Variants in SPHKAP observed in about 807,000 individuals in gnomAD.
The protein encoded by SPHKAP is SPHK1 interactor, AKAP domain containing.
In SPHKAP, 67 loss-of-function variants were observed where a neutral mutation model predicts 137.5. That is an observed-to-expected ratio of 0.49 (90% CI 0.40 to 0.60). The LOEUF (loss-of-function observed/expected upper bound fraction) is 0.60. SPHKAP is among the 20% of genes least tolerant of loss of function. The pLI is 0.00. For missense variants in SPHKAP, 2,097 were observed against 2,069.3 expected (o/e 1.01, Z -0.26); for synonymous variants, 813 against 785.3 (o/e 1.04, Z -0.59).
intron 7 of SPHKAP, among the ~76,000 whole-genome samples, chr2:227,999,273 T>C (rs951711323): frequency 6.6e-6 from 1 of 152,170 alleles, no homozygotes; most frequent in East Asian, 1.9e-4. Context: ...TGAAAGAAGG[T>C]CCTTGCTTGG....
Position 228,018,052 on chromosome 2 carries a change from T to G in SPHKAP, c.2802A>C (p.Ala934=). ...YCITDFAEEL[A]DTVVSMATEI... ...CAGTTGCCATGGAGACGACCGTGTCTGCTAATTCTTCCGCAAAGTCTGTAA... is the reference window on the plus strand; with the variant it reads ...CAGTTGCCATGGAGACGACCGTGTCGGCTAATTCTTCCGCAAAGTCTGTAA... Residue 934 remains alanine, a synonymous_variant, in exon 7 of 12, where the codon GCA becomes GCC. Transcript: ENST00000392056. 6.2e-7 allele frequency: 1 copy of G among 1,614,192 alleles called. No homozygotes were observed. Among genetic ancestry groups the G allele is most frequent in the South Asian group, 1.1e-5 (1 of 91,078 alleles).
At chr2:228,134,883 G>A (rs191633634) in intron 1 of SPHKAP, among the ~76,000 whole-genome samples, 162 of 152,228 alleles carry the variant, frequency 1.1e-3, no homozygotes, top group African/African-American at 3.6e-3. Flanking sequence ...ATGACTTTTC[G>A]CAGGGCTGGA....
rs75064884 is a variant in SPHKAP, at chr2:228,025,351, C to G, written c.441+43G>C. ...TTTACACTGATCTGTGCTGAGCTAA[C>G]TATAGATGTAAGTAAATGGCTTATC... On this transcript the variant is annotated intron_variant, in intron 5 of 11. Transcript: ENST00000392056. The G allele has an allele frequency of 5.6e-3, 9,058 of 1,609,454 alleles. 33 individuals are homozygous for G. Among genetic ancestry groups the G allele is most frequent in the Non-Finnish European group, 7.4e-3 (8,675 of 1,177,500 alleles).
chr2:228,009,211 A>G (rs1694266056), intron 7 of SPHKAP, among the ~76,000 whole-genome samples: 1 of 152,038 alleles, frequency 6.6e-6, no homozygotes, highest in Non-Finnish European at 1.5e-5. Context: ...TTTATCTTAC[A>G]TTGTTTCTGA....
chr2:228,108,886 C>T lies in SPHKAP; in HGVS notation c.192G>A (p.Gln64=), dbSNP rs779652002. 9 of 1,610,358 alleles carry T rather than the reference C, an allele frequency of 5.6e-6. No individual in the cohort carries two copies. The highest frequency in any genetic ancestry group is 7.6e-6 in the Non-Finnish European group (9 of 1,179,234). ...CAAAACCAATTTGGCAGGGCATCCT[C>T]TGATTCTGCAACCAGTAGTCTGTTG... The part of the protein sequence containing the change: ...LESTDYWLQN[Q]RMPCQIGFVE... The change falls in exon 3 of 12, where the codon CAG becomes CAA. Residue 64 remains glutamine (Q), a synonymous_variant. Coordinates refer to ENST00000392056, the MANE Select transcript of SPHKAP (RefSeq NM_001142644.2).
chr2:228,037,660 G>A (rs886901833), intron 3 of SPHKAP, among the ~76,000 whole-genome samples: 3 of 152,114 alleles, frequency 2.0e-5, no homozygotes, highest in African/African-American at 4.8e-5. Context: ...TCACTCCAAT[G>A]ACTCTCAGTT....
chr2:228,061,085 T>G (rs1484968584), intron 3 of SPHKAP, among the ~76,000 whole-genome samples: 2 of 152,142 alleles, frequency 1.3e-5, no homozygotes, highest in African/African-American at 4.8e-5. Context: ...ATGTAATATG[T>G]GTGGGTTTTC....
At chr2:228,046,356 C>G (rs1388874422) in intron 3 of SPHKAP, among the ~76,000 whole-genome samples, 1 of 67,894 alleles carries the variant, frequency 1.5e-5, no homozygotes, top group African/African-American at 6.0e-5. Flanking sequence ...TTTCTGTGTT[C>G]TTCATCTAAT....
chr2:228,009,983 G>A (rs553335623), intron 7 of SPHKAP, among the ~76,000 whole-genome samples: 1 of 152,228 alleles, frequency 6.6e-6, no homozygotes, highest in South Asian at 2.1e-4. Context: ...TCCAGCAACA[G>A]GTCAAGAGGC....
intron 3 of SPHKAP, among the ~76,000 whole-genome samples, chr2:228,049,679 G>C (rs1696184343): frequency 1.3e-5 from 2 of 152,060 alleles, no homozygotes; most frequent in Admixed American, 1.3e-4. Flanking sequence ...GCAGTCCCCA[G>C]ATCTTCCCAT....
At chr2:227,985,263 A>G (rs528153850) in intron 11 of SPHKAP, among the ~76,000 whole-genome samples, 1 of 152,152 alleles carries the variant, frequency 6.6e-6, no homozygotes, top group East Asian at 1.9e-4. Context: ...CACTAAATAG[A>G]GCATGCTCTG....
At position 228,018,504 on chromosome 2, in the gene SPHKAP, T is replaced by C. The variant is rs1694700732; in HGVS notation, c.2350A>G (p.Ile784Val). The C allele has an allele frequency of 6.2e-7, 1 of 1,614,186 alleles. No homozygotes were observed. The highest frequency in any genetic ancestry group is 8.5e-7 in the Non-Finnish European group (1 of 1,180,028). Reference protein sequence around the residue: ...LSNSHNTSLVINNLVDGMYSK... With the variant: ...LSNSHNTSLVVNNLVDGMYSK... ...TACATGCCATCCACAAGATTGTTGA[T>C]GACAAGACTCGTGTTGTGTGAATTG... Residue 784 changes from isoleucine (I) to valine (V), a missense_variant, in exon 7 of 12, where the codon ATC (isoleucine) becomes GTC (valine). Transcript: ENST00000392056.
At chr2:228,086,089 A>C (rs1374545480) in intron 3 of SPHKAP, among the ~76,000 whole-genome samples, 1 of 152,164 alleles carries the variant, frequency 6.6e-6, no homozygotes, top group Non-Finnish European at 1.5e-5. Context: ...GGAAATGGAG[A>C]AAGTAGTGAG....
At chr2:228,114,254 A>G (rs191147613) in intron 2 of SPHKAP, among the ~76,000 whole-genome samples, 1 of 152,164 alleles carries the variant, frequency 6.6e-6, no homozygotes, top group African/African-American at 2.4e-5. Context: ...TAAGGTTAGG[A>G]AGATCCTTTT....
rs115667441 is a variant in SPHKAP, at chr2:228,028,730, T to C, written c.247-1187A>G. 4.5e-3 allele frequency among the ~76,000 whole-genome samples: 683 copies of C among 152,314 alleles called. 3 individuals carry two copies. The highest frequency in any genetic ancestry group is 0.014 in the South Asian group (70 of 4,830). On this transcript the variant is annotated intron_variant, in intron 3 of 11. Transcript: ENST00000392056. Reference sequence around the variant, plus strand: ...TAACCTACAGGTACAGTAAGCTATGTCATCTAGACTTGTCTAAGTATAGTC... The same window carrying C: ...TAACCTACAGGTACAGTAAGCTATGCCATCTAGACTTGTCTAAGTATAGTC...
chr2:228,135,281 A>AG (rs1164611879), intron 1 of SPHKAP, among the ~76,000 whole-genome samples: 2 of 151,494 alleles, frequency 1.3e-5, no homozygotes, highest in South Asian at 2.1e-4. Flanking sequence ...TCTCAAAAAA[A>AG]AAAAAAAAAA....
chr2:228,167,897 T>G (rs1700465691), intron 1 of SPHKAP, among the ~76,000 whole-genome samples: 1 of 152,122 alleles, frequency 6.6e-6, no homozygotes, highest in African/African-American at 2.4e-5. Flanking sequence ...CATTGTAATA[T>G]CTGAGAAAAA....
chr2:228,071,489 C>A (rs1202142238), intron 3 of SPHKAP, among the ~76,000 whole-genome samples: 1 of 152,218 alleles, frequency 6.6e-6, no homozygotes, highest in Non-Finnish European at 1.5e-5. Context: ...TCCGGCTTTA[C>A]ACTCTTTGGC....
chr2:228,180,555 G>T lies in SPHKAP; in HGVS notation c.32+1012C>A, dbSNP rs185959035. Among the ~76,000 whole-genome samples the T allele has an allele frequency of 4.6e-3, 696 of 152,248 alleles. 5 individuals carry two copies. Among genetic ancestry groups the T allele is most frequent in the African/African-American group, 0.016 (656 of 41,568 alleles). On this transcript the variant is annotated intron_variant, in intron 1 of 11. Coordinates refer to ENST00000392056, the MANE Select transcript of SPHKAP (RefSeq NM_001142644.2). ...TACCTACCTACCTGCTTGGGGAAAAGAGGGAGTAGGGATGGCACGAAGAGC... is the reference window on the plus strand; with the variant it reads ...TACCTACCTACCTGCTTGGGGAAAATAGGGAGTAGGGATGGCACGAAGAGC...
Sources: allele counts gnomAD v4.1 joint callset (sites outside exome capture counted in the v4.1 genomes callset), GRCh38; gene constraint gnomAD v4.1.1; transcripts MANE v1.5; gene names NCBI Gene and HGNC (gene_info 2026-07-23, HGNC 2026-07-21).